The following CDH6 variants were observed in gnomAD, a reference collection of about 807,000 sequenced individuals.
CDH6 encodes cadherin-6.
In CDH6, 31 loss-of-function variants were observed where a neutral mutation model predicts 78.0. The ratio of observed to expected loss-of-function variants is 0.40; its 90% CI spans 0.30 to 0.54. The LOEUF (loss-of-function observed/expected upper bound fraction) is 0.54, where lower values mean the gene tolerates loss of function less well. CDH6 is among the 20% of genes least tolerant of loss of function. The pLI is 0.56. For synonymous variants in CDH6, 376 were observed against 368.8 expected (o/e 1.02, Z -0.23); for missense variants, 724 against 975.9 (o/e 0.74, Z 3.44).
rs182698722 is a variant in CDH6, at chr5:31,231,395, A to G, written c.-128-35951A>G. 2.6e-3 allele frequency among the ~76,000 whole-genome samples: 394 copies of G among 152,342 alleles called. 2 individuals carry two copies. Among genetic ancestry groups the G allele is most frequent in the African/African-American group, 8.3e-3 (344 of 41,584 alleles). On this transcript the variant is annotated intron_variant, in intron 1 of 11. Transcript: ENST00000265071. ...AATTCCCATGAATCATATTTAAAGC[A>G]GTTCCAGCTTATTTTGAATATTTCA...
intron 2 of CDH6, among the ~76,000 whole-genome samples, chr5:31,268,248 C>T (rs1742416285): frequency 1.3e-5 from 2 of 152,154 alleles, no homozygotes; most frequent in South Asian, 4.1e-4. Context: ...ACTGTTTAGT[C>T]TTATCTCAAA....
chr5:31,212,973 T>C (rs1016298207), intron 1 of CDH6, among the ~76,000 whole-genome samples: 2 of 152,198 alleles, frequency 1.3e-5, no homozygotes, highest in African/African-American at 4.8e-5. Flanking sequence ...TACTCATTTC[T>C]ATCTTCAACA....
chr5:31,207,350 C>G (rs1740556774), intron 1 of CDH6, among the ~76,000 whole-genome samples: 1 of 152,134 alleles, frequency 6.6e-6, no homozygotes, highest in African/African-American at 2.4e-5. Flanking sequence ...TGCTAATATC[C>G]AGCTGACCAG....
chr5:31,319,984 T>C (rs1390457751), intron 11 of CDH6, among the ~76,000 whole-genome samples: 1 of 152,130 alleles, frequency 6.6e-6, no homozygotes, highest in Non-Finnish European at 1.5e-5. Context: ...CTCTTTACCC[T>C]CTAGTTTTAC....
chr5:31,225,081 C>A (rs1459217664), intron 1 of CDH6, among the ~76,000 whole-genome samples: 1 of 152,190 alleles, frequency 6.6e-6, no homozygotes, highest in African/African-American at 2.4e-5. Flanking sequence ...TCCTGCAATG[C>A]ACAGGACAGT....
intron 10 of CDH6, 86 bp downstream of exon 10, chr5:31,317,578 C>T: frequency 1.3e-6 from 2 of 1,529,304 alleles, no homozygotes; most frequent in South Asian, 1.2e-5. Flanking sequence ...TGTATATGTA[C>T]ATATCTGTAT....
At position 31,267,420 on chromosome 5, in the gene CDH6, G is replaced by A; in HGVS notation, c.-54G>A. ...AGGCTGGATACGGTGCAGTGAAAAAGGCACTTCCAAGAGTGGGGCACTCAC... is the reference window on the plus strand; with the variant it reads ...AGGCTGGATACGGTGCAGTGAAAAAAGCACTTCCAAGAGTGGGGCACTCAC... On this transcript the variant is annotated 5_prime_UTR_variant, in exon 2 of 12. Transcript: ENST00000265071. 1 of 1,328,748 alleles carries A rather than the reference G, an allele frequency of 7.5e-7. No individual in the cohort carries two copies. Among genetic ancestry groups the A allele is most frequent in the East Asian group, 2.3e-5 (1 of 43,418 alleles). 82.3% of individuals were successfully genotyped at this position (1,328,748 alleles called of 1,614,324 possible).
At chr5:31,265,019 C>T (rs1383732348) in intron 1 of CDH6, among the ~76,000 whole-genome samples, 1 of 152,210 alleles carries the variant, frequency 6.6e-6, no homozygotes, top group Non-Finnish European at 1.5e-5. Flanking sequence ...TCTCTGCATC[C>T]CTCTTTCCTG....
At chr5:31,255,390 A>G (rs1304580045) in intron 1 of CDH6, among the ~76,000 whole-genome samples, 1 of 152,240 alleles carries the variant, frequency 6.6e-6, no homozygotes. Flanking sequence ...ATATTTAAAC[A>G]TGTATTAATT....
intron 1 of CDH6, among the ~76,000 whole-genome samples, chr5:31,226,030 G>T (rs1231200411): frequency 6.6e-6 from 1 of 152,094 alleles, no homozygotes; most frequent in Non-Finnish European, 1.5e-5. Flanking sequence ...GTCCTTTGCT[G>T]CCCTAAGAAT....
chr5:31,230,688 A>G (rs923570292), intron 1 of CDH6, among the ~76,000 whole-genome samples: 1 of 152,192 alleles, frequency 6.6e-6, no homozygotes, highest in African/African-American at 2.4e-5. Context: ...TTTAGAAACC[A>G]TCTGCAGAAT....
At chr5:31,194,917 TAAG>T (rs1740122755) in intron 1 of CDH6, among the ~76,000 whole-genome samples, 1 of 152,080 alleles carries the variant, frequency 6.6e-6, no homozygotes, top group South Asian at 2.1e-4. Flanking sequence ...AGCGTGGTGC[TAAG>T]AAGTGTCACT....
At chr5:31,276,763 G>A (rs570368371) in intron 2 of CDH6, among the ~76,000 whole-genome samples, 1 of 152,282 alleles carries the variant, frequency 6.6e-6, no homozygotes, top group Admixed American at 6.5e-5. Context: ...GTAATATTAG[G>A]CAAGTAATTT....
intron 1 of CDH6, chr5:31,249,855 C>G (rs1237074913): frequency 6.6e-6 from 1 of 152,364 alleles, no homozygotes; most frequent in Non-Finnish European, 1.5e-5. Context: ...AGGGATTGGA[C>G]CAACACTTCA....
chr5:31,232,954 G>T (rs1477329363), intron 1 of CDH6, among the ~76,000 whole-genome samples: 1 of 152,182 alleles, frequency 6.6e-6, no homozygotes, highest in Admixed American at 6.5e-5. Context: ...TCACAGAGAA[G>T]TTAAATAACC....
intron 11 of CDH6, among the ~76,000 whole-genome samples, chr5:31,320,978 TAA>T (rs3028833): frequency 0.46 from 64,979 of 140,030 alleles, 15,817 homozygotes; most frequent in East Asian, 0.56. Flanking sequence ...GATTCTGTCT[TAA>T]AAAAAAAAAA....
rs770248604 is a variant in CDH6 at position 31,323,606 on chromosome 5, C to T, written c.*298C>T. 17 of 374,594 alleles carry T rather than the reference C, an allele frequency of 4.5e-5. No individual in the cohort carries two copies. The highest frequency in any genetic ancestry group is 7.9e-5 in the African/African-American group (4 of 50,376). The allele number at this position is 374,594 out of a possible 1,614,324, so 23.2% of individuals were successfully genotyped here. ...GTTCTCAGGGCAGCGTGCCCGCTTC[C>T]GCTGTCCTGGTGTTTTACTACACTC... On this transcript the variant is annotated 3_prime_UTR_variant, in exon 12 of 12. Coordinates refer to ENST00000265071, the MANE Select transcript of CDH6 (RefSeq NM_004932.4).
chr5:31,305,983 A>G (rs1237949135), intron 7 of CDH6, among the ~76,000 whole-genome samples: 1 of 152,230 alleles, frequency 6.6e-6, no homozygotes, highest in Non-Finnish European at 1.5e-5. Flanking sequence ...TAAGGAGTTT[A>G]CTGCTTAAGT....
At chr5:31,288,389 A>C (rs564172837) in intron 2 of CDH6, among the ~76,000 whole-genome samples, 1 of 152,346 alleles carries the variant, frequency 6.6e-6, no homozygotes, top group South Asian at 2.1e-4. Flanking sequence ...TGATTTACCT[A>C]ATCCTATAAT....
Sources: allele counts gnomAD v4.1 joint callset (sites outside exome capture counted in the v4.1 genomes callset), GRCh38; gene constraint gnomAD v4.1.1; transcripts MANE v1.5; gene names NCBI Gene and HGNC (gene_info 2026-07-23, HGNC 2026-07-21).